Variants in ZNF678 observed in about 807,000 individuals in gnomAD.
ZNF678 encodes the protein hypothetical protein MGC42493.
A neutral mutation model predicts 3.0 loss-of-function variants in ZNF678; 5 were observed. That is an observed-to-expected ratio of 1.69 (90% CI 0.88 to 3.56). The LOEUF (loss-of-function observed/expected upper bound fraction) is 3.56, where lower values mean the gene tolerates loss of function less well. ZNF678 is among the 30% of genes most tolerant of loss of function. The pLI, the probability that ZNF678 is intolerant of heterozygous loss-of-function variation, is 0.00. For missense variants in ZNF678, 593 were observed against 605.0 expected (o/e 0.98, Z 0.21); for synonymous variants, 218 against 199.6 (o/e 1.09, Z -0.78).
At chr1:227,650,342 C>G (rs1468161361) in intron 2 of ZNF678, among the ~76,000 whole-genome samples, 1 of 152,070 alleles carries the variant, frequency 6.6e-6, no homozygotes, top group Non-Finnish European at 1.5e-5. Flanking sequence ...TTTCTGAGCT[C>G]TCTATTTTGT....
downstream of ZNF678, among the ~76,000 whole-genome samples, chr1:227,678,347 G>A (rs759238872): frequency 1.3e-5 from 2 of 152,134 alleles, no homozygotes; most frequent in Middle Eastern, 3.2e-3. Flanking sequence ...GGATGCATGC[G>A]GAAGTAAGAC....
At chr1:227,648,901 G>GT (rs1305840438) in intron 2 of ZNF678, among the ~76,000 whole-genome samples, 1 of 152,052 alleles carries the variant, frequency 6.6e-6, no homozygotes, top group Non-Finnish European at 1.5e-5. Context: ...AACTCCCTCT[G>GT]TACTCTCTGC....
At chr1:227,628,080 G>A (rs1000128127) in intron 1 of ZNF678, among the ~76,000 whole-genome samples, 7 of 152,196 alleles carry the variant, frequency 4.6e-5, no homozygotes, top group African/African-American at 1.4e-4. Flanking sequence ...TCCTTTAGCA[G>A]TGAGTATGCC....
intron 5 of ZNF678, among the ~76,000 whole-genome samples, chr1:227,671,172 G>C (rs1464963137): frequency 6.7e-6 from 1 of 149,824 alleles, no homozygotes; most frequent in African/African-American, 2.5e-5. Flanking sequence ...AAACTCCTGG[G>C]CTTAAGCAAT....
Position 227,655,895 on chromosome 1 carries a change from T to TAA in ZNF678, c.*67_*68insAA. ...ATAAAAGTGGTATGAGCATAATGAC[T>TAA]GTTTAAGGATGTTTCACAAAATGTA... On this transcript the variant is annotated 3_prime_UTR_variant, in exon 4 of 4. Transcript: ENST00000343776. The TAA allele has an allele frequency of 2.2e-6, 3 of 1,393,256 alleles. No individual in the cohort carries two copies. Among genetic ancestry groups the TAA allele is most frequent in the Non-Finnish European group, 2.9e-6 (3 of 1,029,634 alleles). The allele number at this position is 1,393,256 out of a possible 1,614,324, so 86.3% of individuals were successfully genotyped here.
exon 6 of ZNF678, chr1:227,677,366 C>T (rs1659702557): frequency 6.6e-6 from 1 of 152,222 alleles, no homozygotes; most frequent in Non-Finnish European, 1.5e-5. Flanking sequence ...GGTGGACTCA[C>T]TACACTCAAG....
chr1:227,580,922 C>T (rs188183846), intron 1 of ZNF678, among the ~76,000 whole-genome samples: 1,630 of 137,960 alleles, frequency 0.012, 10 homozygotes, highest in Non-Finnish European at 0.018. Flanking sequence ...GAAACTCCCT[C>T]TCAAAAAAAA....
rs1164397076 is a variant in ZNF678 at position 227,660,562 on chromosome 1, C to CCTTA, written c.*4735_*4738dup. 1 of 151,680 alleles carries CCTTA rather than the reference C, an allele frequency of 6.6e-6. No individual in the cohort carries two copies. The highest frequency in any genetic ancestry group is 1.5e-5 in the Non-Finnish European group (1 of 67,908). 9.4% of individuals were successfully genotyped at this position (151,680 alleles called of 1,614,324 possible). A position where few individuals can be genotyped will look rare whatever the true frequency, so the allele number is the denominator to read the frequency against. On this transcript the variant is annotated 3_prime_UTR_variant, in exon 4 of 4. Transcript: ENST00000343776. ...GTTAGTGTATAGAAATGCTACTGAC[C>CCTTA]CTTATATCTTGATTTTGTATCCTGC...
At chr1:227,580,244 A>C (rs1657091373) in intron 1 of ZNF678, among the ~76,000 whole-genome samples, 1 of 151,714 alleles carries the variant, frequency 6.6e-6, no homozygotes, top group South Asian at 2.1e-4. Context: ...AAGATCTGTT[A>C]AAAGCATACC....
rs1659339429 is a variant in ZNF678, at chr1:227,659,410, T to G, written c.*3582T>G. ...TGGTGATTTTGGATGCAAACCTGAT[T>G]TCTGTGTTCACACCATGGCCAGAGA... On this transcript the variant is annotated 3_prime_UTR_variant, in exon 4 of 4. Coordinates refer to ENST00000343776, the MANE Select transcript of ZNF678 (RefSeq NM_001367909.1). The G allele has an allele frequency of 6.6e-6, 1 of 152,132 alleles. No homozygotes were observed. Among genetic ancestry groups the G allele is most frequent in the Non-Finnish European group, 1.5e-5 (1 of 68,010 alleles). 9.4% of individuals were successfully genotyped at this position (152,132 alleles called of 1,614,324 possible).
chr1:227,625,323 C>T (rs149583073), intron 1 of ZNF678, among the ~76,000 whole-genome samples: 2,108 of 152,086 alleles, frequency 0.014, 55 homozygotes, highest in African/African-American at 0.047. Context: ...GGAGGTTGGC[C>T]GACGATCGCT....
intron 1 of ZNF678, among the ~76,000 whole-genome samples, chr1:227,578,958 A>G (rs527240277): frequency 1.2e-4 from 19 of 152,080 alleles, no homozygotes; most frequent in African/African-American, 3.9e-4. Context: ...TGAGAATTTG[A>G]TTGTGGTAAA....
intron 1 of ZNF678, among the ~76,000 whole-genome samples, chr1:227,587,065 A>G (rs555095953): frequency 1.3e-5 from 2 of 152,224 alleles, no homozygotes; most frequent in Non-Finnish European, 2.9e-5. Flanking sequence ...CTAGGCCTCA[A>G]TATTGCAGGG....
In ZNF678 at chr1:227,655,436, A is replaced by C. The variant is rs369633436; in HGVS notation, c.1186A>C (p.Arg396=). Residue 396 remains arginine (R), a synonymous_variant, in exon 4 of 4, where the codon AGG becomes CGG. Transcript: ENST00000343776. ...CAAGTTCTCAAGCCTTACTCAACAT[A>C]GGAGAATTCATACTGGAGTGAAACC... ...FNKFSSLTQH[R]RIHTGVKPYK... The C allele has an allele frequency of 6.2e-7, 1 of 1,612,674 alleles. No individual in the cohort carries two copies. The highest frequency in any genetic ancestry group is 8.5e-7 in the Non-Finnish European group (1 of 1,179,284).
chr1:227,563,654 T>G lies in ZNF678; in HGVS notation c.-234T>G. 7.6e-7 allele frequency: 1 copy of G among 1,317,970 alleles called. No individual in the cohort carries two copies. Among genetic ancestry groups the G allele is most frequent in the Non-Finnish European group, 1.0e-6 (1 of 994,988 alleles). 81.6% of individuals were successfully genotyped at this position (1,317,970 alleles called of 1,614,324 possible). A position where few individuals can be genotyped will look rare whatever the true frequency, so the allele number is the denominator to read the frequency against. ...GTGACTCTGCTGCTGCAGTGTCTGG[T>G]TTCCCTGTGACCTGCAGGTACTGGG... On this transcript the variant is annotated 5_prime_UTR_variant, in exon 1 of 4. Coordinates refer to ENST00000343776, the MANE Select transcript of ZNF678 (RefSeq NM_001367909.1).
rs1261628538 is a variant in ZNF678 at position 227,660,651 on chromosome 1, A to C, written c.*4823A>C. 6.6e-6 allele frequency: 1 copy of C among 152,150 alleles called. No individual in the cohort carries two copies. Among genetic ancestry groups the C allele is most frequent in the Non-Finnish European group, 1.5e-5 (1 of 68,016 alleles). 9.4% of individuals were successfully genotyped at this position (152,150 alleles called of 1,614,324 possible). On this transcript the variant is annotated 3_prime_UTR_variant, in exon 4 of 4. Coordinates refer to ENST00000343776, the MANE Select transcript of ZNF678 (RefSeq NM_001367909.1). Reference sequence around the variant, plus strand: ...CTATTTATAAGACTATGATATCTGCAAACAGGGACAATTATTTTCTTTCTT... The same window carrying C: ...CTATTTATAAGACTATGATATCTGCCAACAGGGACAATTATTTTCTTTCTT...
intron 1 of ZNF678, among the ~76,000 whole-genome samples, chr1:227,620,439 C>CGGG (rs1417119615): frequency 6.6e-6 from 1 of 152,164 alleles, no homozygotes; most frequent in African/African-American, 2.4e-5. Context: ...ACCCAGTGTA[C>CGGG]TCACCCTTTT....
chr1:227,606,487 C>T (rs1023573222), intron 1 of ZNF678, among the ~76,000 whole-genome samples: 2 of 152,186 alleles, frequency 1.3e-5, no homozygotes, highest in Non-Finnish European at 1.5e-5. Context: ...AACAAATGGT[C>T]GGCTTTACAC....
At chr1:227,595,003 T>G (rs1657524796) in intron 1 of ZNF678, among the ~76,000 whole-genome samples, 1 of 152,180 alleles carries the variant, frequency 6.6e-6, no homozygotes, top group African/African-American at 2.4e-5. Flanking sequence ...GTTAAGGACT[T>G]TTGATAGGAA....
Sources: allele counts gnomAD v4.1 joint callset (sites outside exome capture counted in the v4.1 genomes callset), GRCh38; gene constraint gnomAD v4.1.1; transcripts MANE v1.5; gene names NCBI Gene and HGNC (gene_info 2026-07-23, HGNC 2026-07-21).